RIN2: variants seen among roughly 807,000 people sequenced by gnomAD.
The protein encoded by RIN2 is RAB5 interacting protein 2.
Under a neutral mutation model 78.0 loss-of-function variants are expected in RIN2, and 36 were observed. That is an observed-to-expected ratio of 0.46 (90% CI 0.35 to 0.61). The LOEUF (loss-of-function observed/expected upper bound fraction) is 0.61, where lower values mean the gene tolerates loss of function less well. Among genes scored for constraint, RIN2 ranks in the 20% least tolerant of loss-of-function variants. The pLI is 0.00. For synonymous variants in RIN2, 466 were observed against 466.8 expected (o/e 1.00, Z 0.02); for missense variants, 1,087 against 1,159.7 (o/e 0.94, Z 0.91).
At chr20:19,964,883 G>A in intron 6 of RIN2, 69 bp from the exon 7 acceptor site, 1 of 1,325,610 alleles carries the variant, frequency 7.5e-7, no homozygotes, top group Non-Finnish European at 1.1e-6. Flanking sequence ...CACACATGGT[G>A]TTAGGGGCTC....
intron 4 of RIN2, among the ~76,000 whole-genome samples, chr20:19,936,846 T>G (rs969738815): frequency 1.3e-5 from 2 of 152,258 alleles, no homozygotes; most frequent in Admixed American, 1.3e-4. Flanking sequence ...ATTTATACAT[T>G]TGCAAAGGCA....
intron 1 of RIN2, among the ~76,000 whole-genome samples, chr20:19,786,029 C>G (rs1194472345): frequency 6.6e-6 from 1 of 152,114 alleles, no homozygotes; most frequent in Non-Finnish European, 1.5e-5. Context: ...ATGGCTTCCC[C>G]CTCTGTGAGA....
chr20:19,956,914 A>G, intron 5 of RIN2, 107 bp downstream of exon 5: 2 of 953,256 alleles, frequency 2.1e-6, no homozygotes. Flanking sequence ...GCTTGTAAGG[A>G]GCATGTCTCT....
chr20:19,804,393 A>G (rs1338160429), intron 2 of RIN2, among the ~76,000 whole-genome samples: 1 of 152,208 alleles, frequency 6.6e-6, no homozygotes, highest in Non-Finnish European at 1.5e-5. Context: ...GTTTATTGAG[A>G]GTTTTTAACA....
At chr20:19,972,043 T>A (rs962504080) in intron 8 of RIN2, among the ~76,000 whole-genome samples, 1 of 152,144 alleles carries the variant, frequency 6.6e-6, no homozygotes, top group Non-Finnish European at 1.5e-5. Context: ...TGCTCGGCCA[T>A]GAAACTTAGA....
At chr20:19,979,030 T>A (rs1046972095) in intron 9 of RIN2, among the ~76,000 whole-genome samples, 4 of 152,224 alleles carry the variant, frequency 2.6e-5, no homozygotes, top group Non-Finnish European at 5.9e-5. Context: ...TGCTTTAGTC[T>A]TTTTCAACCC....
chr20:19,897,408 C>A (rs1305707282), intron 3 of RIN2, among the ~76,000 whole-genome samples: 1 of 152,172 alleles, frequency 6.6e-6, no homozygotes, highest in East Asian at 1.9e-4. Context: ...CGCACCCAGC[C>A]AGACCAGCTA....
chr20:20,000,462 T>A, intron 12 of RIN2, 151 bp from the exon 13 acceptor site: 1 of 620,436 alleles, frequency 1.6e-6, no homozygotes, highest in Non-Finnish European at 2.8e-6. Context: ...GCCTCTTTCC[T>A]TGCCATTCGA....
intron 2 of RIN2, among the ~76,000 whole-genome samples, chr20:19,844,670 C>A (rs866351540): frequency 1.5e-4 from 6 of 40,620 alleles, no homozygotes; most frequent in Non-Finnish European, 2.3e-4. Context: ...CTTCTTCTTC[C>A]TTCTTCTTCT....
chr20:19,860,546 C>T (rs1026512336), intron 2 of RIN2, among the ~76,000 whole-genome samples: 4 of 152,120 alleles, frequency 2.6e-5, no homozygotes, highest in Non-Finnish European at 5.9e-5. Flanking sequence ...TCGTCTCGAA[C>T]TCCTGACCTC....
At chr20:19,861,128 A>G (rs1405441097) in intron 2 of RIN2, among the ~76,000 whole-genome samples, 1 of 152,190 alleles carries the variant, frequency 6.6e-6, no homozygotes, top group Non-Finnish European at 1.5e-5. Flanking sequence ...GAATGTGTCA[A>G]ATGTCCTGCT....
intron 12 of RIN2, 38 bp downstream of exon 12, chr20:19,996,880 CA>C (rs751040977): frequency 5.2e-6 from 8 of 1,530,144 alleles, no homozygotes; most frequent in Non-Finnish European, 7.1e-6. Flanking sequence ...CTTCGTCCTC[CA>C]GGAATGCGGA....
At chr20:19,858,144 G>A (rs2037223794) in intron 2 of RIN2, among the ~76,000 whole-genome samples, 1 of 151,740 alleles carries the variant, frequency 6.6e-6, no homozygotes, top group African/African-American at 2.4e-5. Context: ...ATATTAAGAT[G>A]GCTTGAGTTT....
intron 2 of RIN2, among the ~76,000 whole-genome samples, chr20:19,851,651 G>A (rs921827226): frequency 6.6e-6 from 1 of 152,100 alleles, no homozygotes; most frequent in African/African-American, 2.4e-5. Flanking sequence ...AAGCCTAGGA[G>A]GTCGAGAATG....
chr20:19,878,447 G>T (rs2037921338), intron 2 of RIN2, among the ~76,000 whole-genome samples: 1 of 152,160 alleles, frequency 6.6e-6, no homozygotes, highest in Non-Finnish European at 1.5e-5. Context: ...ACAAACCAGG[G>T]TCACCCCATG....
At chr20:19,868,658 A>G (rs1314967198) in intron 2 of RIN2, among the ~76,000 whole-genome samples, 1 of 152,124 alleles carries the variant, frequency 6.6e-6, no homozygotes, top group Non-Finnish European at 1.5e-5. Context: ...AGACAGCTAT[A>G]ATCATGATGT....
intron 1 of RIN2, among the ~76,000 whole-genome samples, chr20:19,781,546 G>T (rs2034505992): frequency 6.6e-6 from 1 of 152,160 alleles, no homozygotes; most frequent in African/African-American, 2.4e-5. Context: ...TCCTGCCTCA[G>T]CCTCTGAAAT....
At chr20:19,903,349 GGT>G (rs758149002) in intron 3 of RIN2, among the ~76,000 whole-genome samples, 1 of 152,094 alleles carries the variant, frequency 6.6e-6, no homozygotes, top group Non-Finnish European at 1.5e-5. Context: ...TCAGCATCCT[GGT>G]TTCTGTTCTG....
chr20:19,787,015 G>A (rs1175930440), intron 1 of RIN2, among the ~76,000 whole-genome samples: 4 of 152,258 alleles, frequency 2.6e-5, no homozygotes, highest in Non-Finnish European at 5.9e-5. Context: ...AAAGGACATA[G>A]GGACTAAAAA....
Sources: gnomAD v4.1 joint callset for allele counts (sites outside exome capture counted in the v4.1 genomes callset) on GRCh38, gnomAD v4.1.1 for gene constraint, MANE v1.5 for transcripts, NCBI Gene and HGNC (gene_info 2026-07-23, HGNC 2026-07-21) for gene names.